Variants in RFPL1 observed in about 807,000 individuals in gnomAD.
The protein encoded by RFPL1 is ret finger protein like 1, also known as ret finger protein-like 1.
Under a neutral mutation model 9.6 loss-of-function variants are expected in RFPL1, and 6 were observed. That is an observed-to-expected ratio of 0.62 (90% CI 0.34 to 1.23). The LOEUF (loss-of-function observed/expected upper bound fraction) is 1.23, where lower values mean the gene tolerates loss of function less well. RFPL1 is among the 50% of genes most tolerant of loss of function. The pLI, the probability that RFPL1 is intolerant of heterozygous loss-of-function variation, is 0.03. For missense variants in RFPL1, 352 were observed against 398.4 expected (o/e 0.88, Z 0.99); for synonymous variants, 145 against 149.4 (o/e 0.97, Z 0.22).
the RFPL1 span, among the ~76,000 whole-genome samples, chr22:29,401,996 T>A: frequency 6.6e-6 from 1 of 152,178 alleles, no homozygotes; most frequent in Non-Finnish European, 1.5e-5. Flanking sequence ...AGACTTAATG[T>A]TGAATGAAGG....
At chr22:29,435,390 C>T (rs1351682937), upstream of RFPL1, among the ~76,000 whole-genome samples, 5 of 152,162 alleles carry the variant, frequency 3.3e-5, no homozygotes, top group African/African-American at 1.2e-4. Context: ...GAATTTGACT[C>T]ATTTCCTAAG....
At chr22:29,429,263 C>T in the RFPL1 span, among the ~76,000 whole-genome samples, 1 of 152,046 alleles carries the variant, frequency 6.6e-6, no homozygotes, top group African/African-American at 2.4e-5. Flanking sequence ...ACTATGTTGC[C>T]CGGGCTGGTC....
the RFPL1 span, among the ~76,000 whole-genome samples, chr22:29,425,589 A>G: frequency 6.6e-6 from 1 of 152,246 alleles, no homozygotes; most frequent in Non-Finnish European, 1.5e-5. Context: ...AAAAGCACAA[A>G]ATGACAACAG....
At chr22:29,436,287 G>A (rs1602914948), upstream of RFPL1, among the ~76,000 whole-genome samples, 2 of 151,898 alleles carry the variant, frequency 1.3e-5, no homozygotes, top group African/African-American at 4.8e-5. Context: ...GATTAGGAAG[G>A]CTCCCATCAC....
chr22:29,417,264 T>G, the RFPL1 span, among the ~76,000 whole-genome samples: 36,359 of 150,370 alleles, frequency 0.24, 4,559 homozygotes, highest in East Asian at 0.39. Flanking sequence ...ACAGTGGTGT[T>G]CTGGGTGAAG....
chr22:29,437,919 T>C (rs904686021), upstream of RFPL1: 16 of 527,392 alleles, frequency 3.0e-5, no homozygotes, highest in Non-Finnish European at 9.7e-6. Context: ...GGCAGTCAAT[T>C]TGGTATTCAT....
At chr22:29,437,782 G>A, upstream of RFPL1, 1 of 1,526,782 alleles carries the variant, frequency 6.5e-7, no homozygotes, top group Non-Finnish European at 8.8e-7. Context: ...CTAGAAATGG[G>A]GGTTATGCCT....
At chr22:29,399,667 T>C in the RFPL1 span, among the ~76,000 whole-genome samples, 2 of 152,254 alleles carry the variant, frequency 1.3e-5, no homozygotes, top group Non-Finnish European at 2.9e-5. Context: ...TTATTACCCC[T>C]GCTCCTCTGC....
the RFPL1 span, among the ~76,000 whole-genome samples, chr22:29,431,030 G>A: frequency 6.6e-6 from 1 of 152,070 alleles, no homozygotes; most frequent in African/African-American, 2.4e-5. Context: ...AATCTGATTG[G>A]GTTAAGGAAG....
the RFPL1 span, among the ~76,000 whole-genome samples, chr22:29,417,916 CG>C: frequency 1.4e-5 from 2 of 142,708 alleles, no homozygotes; most frequent in Non-Finnish European, 3.0e-5. Flanking sequence ...GGCAGGAATG[CG>C]GGGAAGGCAG....
At chr22:29,432,208 C>G in the RFPL1 span, among the ~76,000 whole-genome samples, 4 of 152,178 alleles carry the variant, frequency 2.6e-5, no homozygotes, top group African/African-American at 9.7e-5. Flanking sequence ...CTTGTGCAAG[C>G]TGACTCTCAG....
the RFPL1 span, among the ~76,000 whole-genome samples, chr22:29,409,953 T>C: frequency 3.3e-5 from 5 of 152,090 alleles, no homozygotes; most frequent in African/African-American, 1.2e-4. Context: ...CTTTTTCTTC[T>C]TGAAAAATAA....
chr22:29,433,150 G>A, the RFPL1 span, among the ~76,000 whole-genome samples: 3 of 151,896 alleles, frequency 2.0e-5, no homozygotes, highest in Non-Finnish European at 2.9e-5. Flanking sequence ...AAAATTAGCC[G>A]GGTGCTGTGG....
chr22:29,412,116 TGA>T, the RFPL1 span, among the ~76,000 whole-genome samples: 1 of 152,008 alleles, frequency 6.6e-6, no homozygotes, highest in African/African-American at 2.4e-5. Flanking sequence ...CAGAAATTGG[TGA>T]GAGGGGCAGA....
chr22:29,427,183 A>C, the RFPL1 span, among the ~76,000 whole-genome samples: 1 of 152,150 alleles, frequency 6.6e-6, no homozygotes. Context: ...GGAAACACTG[A>C]GGGGGGGCCT....
chr22:29,440,133 G>A (rs543768559), intron 1 of RFPL1: 1 of 152,322 alleles, frequency 6.6e-6, no homozygotes, highest in South Asian at 2.1e-4. Context: ...AAATGGTGGT[G>A]GCTTCTGCCC....
At chr22:29,434,142 G>T (rs545949551), upstream of RFPL1, among the ~76,000 whole-genome samples, 26 of 152,078 alleles carry the variant, frequency 1.7e-4, no homozygotes, top group African/African-American at 6.0e-4. Flanking sequence ...ATAAGCCGCC[G>T]TACACAGCCT....
the RFPL1 span, among the ~76,000 whole-genome samples, chr22:29,392,909 T>G: frequency 6.6e-6 from 1 of 152,194 alleles, no homozygotes; most frequent in Admixed American, 6.5e-5. Context: ...GTCATGAGTT[T>G]CATTCATTCT....
chr22:29,416,137 G>A, the RFPL1 span, among the ~76,000 whole-genome samples: 12 of 152,214 alleles, frequency 7.9e-5, no homozygotes, highest in Non-Finnish European at 1.6e-4. Context: ...CGCCCTCCCA[G>A]GAGCTCATTC....
Sources: gnomAD v4.1 joint callset for allele counts (sites outside exome capture counted in the v4.1 genomes callset) on GRCh38, gnomAD v4.1.1 for gene constraint, MANE v1.5 for transcripts, NCBI Gene and HGNC (gene_info 2026-07-23, HGNC 2026-07-21) for gene names.